Variants in SIRPG observed in about 807,000 individuals in gnomAD.
SIRPG encodes signal-regulatory protein gamma.
Under a neutral mutation model 35.7 loss-of-function variants are expected in SIRPG, and 38 were observed. The ratio of observed to expected loss-of-function variants is 1.06; its 90% CI spans 0.82 to 1.40. SIRPG has a LOEUF of 1.40. SIRPG is among the 40% of genes most tolerant of loss of function. The pLI, the probability that SIRPG is intolerant of heterozygous loss-of-function variation, is 0.00. For synonymous variants in SIRPG, 215 were observed against 190.4 expected (o/e 1.13, Z -1.06); for missense variants, 519 against 483.0 (o/e 1.07, Z -0.70).
chr20:1,637,544 C>T (rs1035047395), intron 2 of SIRPG: 1 of 154,674 alleles, frequency 6.5e-6, no homozygotes, highest in Non-Finnish European at 1.5e-5. Context: ...CTCAGGGTTC[C>T]CAAATTGCAA....
intron 1 of SIRPG, among the ~76,000 whole-genome samples, chr20:1,653,166 A>G (rs2091952907): frequency 6.6e-6 from 1 of 152,240 alleles, no homozygotes; most frequent in Admixed American, 6.5e-5. Context: ...ATCTCATGGA[A>G]TAGAATCAAG....
the SIRPG span, among the ~76,000 whole-genome samples, chr20:1,684,762 G>A: frequency 6.6e-6 from 1 of 152,228 alleles, no homozygotes; most frequent in Non-Finnish European, 1.5e-5. Context: ...ACTGACTGAG[G>A]TAGGGGACAA....
intron 1 of SIRPG, among the ~76,000 whole-genome samples, chr20:1,653,729 G>C (rs1395336572): frequency 6.6e-6 from 1 of 152,140 alleles, no homozygotes; most frequent in Non-Finnish European, 1.5e-5. Flanking sequence ...AGGAAGGAGG[G>C]AGAGTGGCTG....
intron 4 of SIRPG, 63 bp from the exon 5 acceptor site, chr20:1,630,369 T>C (rs1482971762): frequency 1.5e-6 from 2 of 1,303,866 alleles, no homozygotes; most frequent in Non-Finnish European, 1.1e-6. Context: ...TGTAGGGGCC[T>C]CCACTTACCC....
At chr20:1,679,511 G>T in the SIRPG span, among the ~76,000 whole-genome samples, 36,366 of 151,672 alleles carry the variant, frequency 0.24, 5,106 homozygotes, top group East Asian at 0.59. Flanking sequence ...CTTGCCTGGG[G>T]TTCCAATCTG....
the SIRPG span, among the ~76,000 whole-genome samples, chr20:1,686,315 C>A: frequency 6.6e-6 from 1 of 152,206 alleles, no homozygotes; most frequent in African/African-American, 2.4e-5. Context: ...AGGGTTCTAG[C>A]CCAAGGCAGT....
chr20:1,655,328 A>G (rs1314523206), intron 1 of SIRPG, among the ~76,000 whole-genome samples: 2 of 152,240 alleles, frequency 1.3e-5, no homozygotes, highest in Non-Finnish European at 1.5e-5. Context: ...TATATGCACA[A>G]TGAAATTCTA....
intron 2 of SIRPG, among the ~76,000 whole-genome samples, chr20:1,643,277 CT>C (rs2091869778): frequency 6.6e-6 from 1 of 152,064 alleles, no homozygotes; most frequent in Admixed American, 6.5e-5. Flanking sequence ...CCTTTTCATT[CT>C]TTTTTTAAAA....
intron 3 of SIRPG, 84 bp from the exon 4 acceptor site, chr20:1,635,683 C>T (rs548604272): frequency 1.1e-4 from 156 of 1,399,368 alleles, no homozygotes; most frequent in Non-Finnish European, 1.5e-4. Context: ...CCCACTACCA[C>T]GGTGAGGGCA....
In SIRPG at chr20:1,636,424, T is replaced by C. The variant is rs755370269; in HGVS notation, c.512A>G (p.His171Arg). The C allele has an allele frequency of 5.0e-6, 8 of 1,614,060 alleles. No individual in the cohort carries two copies. Among genetic ancestry groups the C allele is most frequent in the Non-Finnish European group, 6.8e-6 (8 of 1,180,036 alleles). Residue 171 changes from histidine (H) to arginine (R), a missense_variant, in exon 3 of 6, where the codon CAT becomes CGT. Physicochemically the swap from His to Arg is conservative, Grantham distance 29. Coordinates refer to ENST00000303415, the MANE Select transcript of SIRPG (RefSeq NM_018556.4). The part of the protein sequence containing the change: ...EHTVSFTCES[H>R]GFSPRDITLK... ...GGTGATGTCTCTGGGAGAGAAGCCA[T>C]GGGACTCACAGGTGAAACTCACTGT... is the stretch of plus-strand genomic sequence containing the variant.
the SIRPG span, among the ~76,000 whole-genome samples, chr20:1,674,983 C>T: frequency 6.6e-6 from 1 of 152,154 alleles, no homozygotes; most frequent in Non-Finnish European, 1.5e-5. Context: ...AGAGCAAGTG[C>T]CCTGAATTCT....
chr20:1,658,136 C>T, upstream of SIRPG, among the ~76,000 whole-genome samples: 1 of 152,162 alleles, frequency 6.6e-6, no homozygotes, highest in Admixed American at 6.5e-5. Flanking sequence ...TGTTCTGCAC[C>T]AGCCTCAACC....
the SIRPG span, among the ~76,000 whole-genome samples, chr20:1,667,921 T>A: frequency 6.6e-6 from 1 of 152,340 alleles, no homozygotes; most frequent in South Asian, 2.1e-4. Context: ...TTGTATTGAC[T>A]GTTCTGCCAT....
At chr20:1,685,607 C>T in the SIRPG span, among the ~76,000 whole-genome samples, 2 of 151,978 alleles carry the variant, frequency 1.3e-5, no homozygotes, top group Non-Finnish European at 2.9e-5. Flanking sequence ...GTCTGTAGTA[C>T]TTTGTTATGC....
upstream of SIRPG, among the ~76,000 whole-genome samples, chr20:1,662,480 T>G (rs529701420): frequency 1.8e-4 from 28 of 152,344 alleles, no homozygotes; most frequent in South Asian, 5.4e-3. Context: ...GCTTGTTCCA[T>G]ATAGTAAATA....
intron 4 of SIRPG, among the ~76,000 whole-genome samples, chr20:1,634,144 T>C (rs527761729): frequency 6.6e-6 from 1 of 151,634 alleles, no homozygotes; most frequent in South Asian, 2.1e-4. Flanking sequence ...TGCTCAAATA[T>C]CACAATCAGG....
the SIRPG span, among the ~76,000 whole-genome samples, chr20:1,668,235 CTTTCTTTCTTTCTT>C: frequency 0.078 from 4,538 of 58,160 alleles, 96 homozygotes; most frequent in Non-Finnish European, 0.11. Context: ...TTCTTTCTTT[CTTTCTTTCTTTCTT>C]TTTCTTTTTC....
chr20:1,676,687 T>C, the SIRPG span: 1 of 164,420 alleles, frequency 6.1e-6, no homozygotes, highest in Non-Finnish European at 1.4e-5. Context: ...TCTCTTTGTC[T>C]AGTCTGAAAT....
chr20:1,666,066 T>C, the SIRPG span, among the ~76,000 whole-genome samples: 68 of 151,452 alleles, frequency 4.5e-4, 1 homozygote, highest in Admixed American at 5.3e-4. Flanking sequence ...ATCCTGACCC[T>C]GTAGGCCCAG....
Sources: gnomAD v4.1 joint callset for allele counts (sites outside exome capture counted in the v4.1 genomes callset) on GRCh38, gnomAD v4.1.1 for gene constraint, MANE v1.5 for transcripts, NCBI Gene and HGNC (gene_info 2026-07-23, HGNC 2026-07-21) for gene names.